The following TENT2 variants were observed in gnomAD, a reference collection of about 807,000 sequenced individuals.
TENT2 encodes poly(A) RNA polymerase GLD2.
A neutral mutation model predicts 72.2 loss-of-function variants in TENT2; 44 were observed. That is an observed-to-expected ratio of 0.61 (90% CI 0.48 to 0.78). TENT2 has a LOEUF of 0.78. Ranked by LOEUF, TENT2 falls within the 30% of genes least tolerant of loss-of-function variation. TENT2 has a pLI of 0.00. For missense variants in TENT2, 541 were observed against 569.6 expected (o/e 0.95, Z 0.51); for synonymous variants, 212 against 192.5 (o/e 1.10, Z -0.84).
At chr5:79,668,717 C>G (rs944925987) in intron 11 of TENT2, 175 bp from the exon 12 acceptor site, 3 of 598,746 alleles carry the variant, frequency 5.0e-6, no homozygotes, top group South Asian at 2.6e-5. Context: ...ACATTCTGGT[C>G]TACTGCAAAT....
chr5:79,671,904 A>T (rs1033789966), intron 12 of TENT2, among the ~76,000 whole-genome samples: 10 of 151,906 alleles, frequency 6.6e-5, no homozygotes, highest in Non-Finnish European at 1.3e-4. Context: ...GAAGTTTGAG[A>T]CCAGCCTGGG....
At chr5:79,626,302 G>C (rs1044460245) in intron 4 of TENT2, among the ~76,000 whole-genome samples, 4 of 148,688 alleles carry the variant, frequency 2.7e-5, no homozygotes, top group African/African-American at 9.9e-5. Flanking sequence ...ACCATGCCCA[G>C]CTAATTTTTT....
chr5:79,654,776 T>C (rs1796736208), intron 10 of TENT2, among the ~76,000 whole-genome samples: 1 of 151,746 alleles, frequency 6.6e-6, no homozygotes, highest in Admixed American at 6.6e-5. Context: ...AAAAAAAAAT[T>C]AATAAATAAG....
At chr5:79,682,314 T>C (rs905894867) in intron 14 of TENT2, among the ~76,000 whole-genome samples, 4 of 152,158 alleles carry the variant, frequency 2.6e-5, no homozygotes, top group Non-Finnish European at 5.9e-5. Flanking sequence ...AGTTTCACTC[T>C]TGTTGCCCAG....
intron 3 of TENT2, among the ~76,000 whole-genome samples, chr5:79,621,706 C>G (rs1441397348): frequency 6.8e-6 from 1 of 146,986 alleles, no homozygotes; most frequent in Admixed American, 6.9e-5. Flanking sequence ...TACAGTAAGC[C>G]AAGATCCCCC....
At chr5:79,634,851 G>A (rs1356511184) in intron 4 of TENT2, among the ~76,000 whole-genome samples, 1 of 151,516 alleles carries the variant, frequency 6.6e-6, no homozygotes, top group African/African-American at 2.4e-5. Context: ...GTTGTTGGAG[G>A]GATTTTTTTT....
intron 11 of TENT2, among the ~76,000 whole-genome samples, chr5:79,662,320 C>T (rs1224276699): frequency 6.6e-6 from 1 of 152,166 alleles, no homozygotes; most frequent in Non-Finnish European, 1.5e-5. Flanking sequence ...TTCTTTTAAA[C>T]TTCTGTTCAT....
intron 4 of TENT2, among the ~76,000 whole-genome samples, chr5:79,637,648 G>A (rs1052500816): frequency 1.3e-5 from 2 of 152,016 alleles, no homozygotes; most frequent in African/African-American, 4.8e-5. Context: ...GCTTGTCTCG[G>A]ATTCCTGGGC....
chr5:79,660,588 A>G lies in TENT2; in HGVS notation c.1071+3587A>G, dbSNP rs147739231. Among the ~76,000 whole-genome samples, 15 of 152,298 alleles carry G rather than the reference A, an allele frequency of 9.8e-5. 1 individual carries two copies. The East Asian group carries it at 2.9e-3, about 29-fold the overall frequency. On this transcript the variant is annotated intron_variant, in intron 11 of 14. Transcript: ENST00000453514. ...GTAGTTAAATGTTAAAAAACACCTTAAATTATACATATATACATATACAGT... is the reference window on the plus strand; with the variant it reads ...GTAGTTAAATGTTAAAAAACACCTTGAATTATACATATATACATATACAGT...
At chr5:79,648,758 G>T in intron 9 of TENT2, 65 bp downstream of exon 9, 1 of 1,220,870 alleles carries the variant, frequency 8.2e-7, no homozygotes, top group South Asian at 1.4e-5. Context: ...AAAGATGTTT[G>T]GCATAAATAG....
At chr5:79,618,931 C>G (rs1408986129) in intron 1 of TENT2, among the ~76,000 whole-genome samples, 1 of 152,132 alleles carries the variant, frequency 6.6e-6, no homozygotes, top group Non-Finnish European at 1.5e-5. Context: ...TCTTTGTAGA[C>G]TTTACCTGAT....
chr5:79,684,584 C>T (rs944484628), intron 14 of TENT2, among the ~76,000 whole-genome samples: 1 of 152,164 alleles, frequency 6.6e-6, no homozygotes, highest in Non-Finnish European at 1.5e-5. Context: ...ATGCAAAAAG[C>T]TAGTAAAGAT....
chr5:79,669,275 C>G (rs867052789), intron 12 of TENT2, among the ~76,000 whole-genome samples: 3 of 152,080 alleles, frequency 2.0e-5, no homozygotes, highest in South Asian at 2.1e-4. Context: ...TTCAGTAGGC[C>G]CAGTTTTAGT....
intron 4 of TENT2, among the ~76,000 whole-genome samples, chr5:79,624,079 TCC>T (rs1767359732): frequency 6.6e-6 from 1 of 152,148 alleles, no homozygotes; most frequent in African/African-American, 2.4e-5. Context: ...ATCTCTCCTC[TCC>T]CCCATATTTA....
chr5:79,618,561 TTTTATA>T (rs1341422469), intron 1 of TENT2, among the ~76,000 whole-genome samples: 1 of 152,128 alleles, frequency 6.6e-6, no homozygotes, highest in Non-Finnish European at 1.5e-5. Context: ...CATATTCTTG[TTTTATA>T]TATGCAATGT....
At chr5:79,670,570 G>A (rs536948697) in intron 12 of TENT2, among the ~76,000 whole-genome samples, 2 of 151,852 alleles carry the variant, frequency 1.3e-5, no homozygotes, top group South Asian at 2.1e-4. Flanking sequence ...TGATCTGCCC[G>A]CCTCAGCCTC....
chr5:79,645,115 T>A lies in TENT2; in HGVS notation c.752-8T>A, dbSNP rs748719098. The A allele has an allele frequency of 6.3e-7, 1 of 1,591,578 alleles. No individual in the cohort carries two copies. Among genetic ancestry groups the A allele is most frequent in the South Asian group, 1.2e-5 (1 of 86,666 alleles). Reference sequence around the variant, plus strand: ...TTGCAGCTATTCACATTATCTTTTGTCTTTCAGCGGGCTACATTGAGAGAC... The same window carrying A: ...TTGCAGCTATTCACATTATCTTTTGACTTTCAGCGGGCTACATTGAGAGAC... On this transcript the variant is annotated splice_region_variant and splice_polypyrimidine_tract_variant and intron_variant, in intron 7 of 14. Transcript: ENST00000453514.
In TENT2 at chr5:79,619,803, T is replaced by A. The variant is rs1371246220; in HGVS notation, c.137+18T>A. ...AATGCAGAGTGAGTATGGTGATATT[T>A]TGGCCCATGTTGTTGGTAAATTTCA... is the stretch of plus-strand genomic sequence containing the variant. On this transcript the variant is annotated intron_variant, in intron 2 of 14. Coordinates refer to ENST00000453514, the MANE Select transcript of TENT2 (RefSeq NM_001114394.3). 31 of 1,596,572 alleles carry A rather than the reference T, an allele frequency of 1.9e-5. No homozygotes were observed. The highest frequency in any genetic ancestry group is 2.6e-5 in the Non-Finnish European group (31 of 1,171,466).
At chr5:79,677,495 A>G (rs1651134516) in intron 12 of TENT2, among the ~76,000 whole-genome samples, 1 of 152,238 alleles carries the variant, frequency 6.6e-6, no homozygotes, top group South Asian at 2.1e-4. Context: ...ACAGCAAGAT[A>G]TTGTATTTCA....
Sources: allele counts gnomAD v4.1 joint callset (sites outside exome capture counted in the v4.1 genomes callset), GRCh38; gene constraint gnomAD v4.1.1; transcripts MANE v1.5; gene names NCBI Gene and HGNC (gene_info 2026-07-23, HGNC 2026-07-21).